Variants in WFDC11 observed in about 807,000 individuals in gnomAD.
The protein encoded by WFDC11 is protein WFDC11.
WFDC11 carries 9 observed loss-of-function variants against 9.9 expected under a neutral mutation model. That is an observed-to-expected ratio of 0.91 (90% CI 0.55 to 1.58). WFDC11 has a LOEUF of 1.58. WFDC11 is among the 40% of genes most tolerant of loss of function. The pLI, the probability that WFDC11 is intolerant of heterozygous loss-of-function variation, is 0.00. For synonymous variants in WFDC11, 32 were observed against 33.3 expected, an observed-to-expected ratio of 0.96 and a Z score of 0.13; for missense variants, 106 against 101.7, an observed-to-expected ratio of 1.04 and a Z score of -0.18.
chr20:45,668,492 AAG>A (rs1695833741), intron 1 of WFDC11, among the ~76,000 whole-genome samples: 1 of 152,166 alleles, frequency 6.6e-6, no homozygotes, highest in Non-Finnish European at 1.5e-5. Flanking sequence ...GGAAAAAAAA[AAG>A]AAAAAGATTT....
chr20:45,662,730 T>A (rs949771429), intron 2 of WFDC11, among the ~76,000 whole-genome samples: 3 of 152,236 alleles, frequency 2.0e-5, no homozygotes, highest in Non-Finnish European at 4.4e-5. Context: ...GTTTATTGAT[T>A]TGTGAATGTT....
chr20:45,660,645 T>C (rs1038404638), intron 2 of WFDC11, among the ~76,000 whole-genome samples: 1 of 152,108 alleles, frequency 6.6e-6, no homozygotes, highest in African/African-American at 2.4e-5. Flanking sequence ...AATTCCCACC[T>C]ATGAGTGAGA....
In WFDC11 at chr20:45,648,776, G is replaced by A. The variant is rs773349635; in HGVS notation, c.244-37C>T. ...AAAGGTTAGATTTTTAGAGGCTAGA[G>A]AACTCTGAGAAACAAGCATTCATTC... On this transcript the variant is annotated intron_variant, in intron 4 of 4. Transcript: ENST00000324384. 8 of 1,608,322 alleles carry A rather than the reference G, an allele frequency of 5.0e-6. No homozygotes were observed. In the African/African-American group the frequency reaches 1.1e-4, roughly 22 times the overall value.
chr20:45,649,433 GTA>G (rs761026508), intron 3 of WFDC11, 34 bp from the exon 4 acceptor site: 1 of 1,608,630 alleles, frequency 6.2e-7, no homozygotes, highest in Non-Finnish European at 8.5e-7. Flanking sequence ...AAGGTTGATG[GTA>G]TGTTTCAGCC....
chr20:45,656,385 G>A (rs1282615952), intron 2 of WFDC11, among the ~76,000 whole-genome samples: 4 of 152,178 alleles, frequency 2.6e-5, no homozygotes, highest in Admixed American at 1.3e-4. Flanking sequence ...CTAGCCATGT[G>A]CAGAAAGCTG....
chr20:45,655,017 G>T (rs1343224673), intron 2 of WFDC11, among the ~76,000 whole-genome samples: 2 of 152,164 alleles, frequency 1.3e-5, no homozygotes. Context: ...GGAGAAGCTG[G>T]TACCATTCCT....
intron 2 of WFDC11, among the ~76,000 whole-genome samples, chr20:45,660,650 G>C (rs1825381955): frequency 6.6e-6 from 1 of 152,048 alleles, no homozygotes; most frequent in Admixed American, 6.6e-5. Flanking sequence ...CCACCTATGA[G>C]TGAGAATACG....
chr20:45,658,834 C>T (rs1029897284), intron 2 of WFDC11, among the ~76,000 whole-genome samples: 5 of 152,158 alleles, frequency 3.3e-5, no homozygotes, highest in Non-Finnish European at 7.3e-5. Context: ...AACCCGTCAT[C>T]TACATTAGGT....
At chr20:45,651,978 C>G (rs1228165319) in intron 2 of WFDC11, among the ~76,000 whole-genome samples, 1 of 152,248 alleles carries the variant, frequency 6.6e-6, no homozygotes, top group African/African-American at 2.4e-5. Context: ...CTCAAGAGGC[C>G]TGCCTGCCTC....
At chr20:45,655,253 C>T (rs1409396785) in intron 2 of WFDC11, among the ~76,000 whole-genome samples, 1 of 152,194 alleles carries the variant, frequency 6.6e-6, no homozygotes, top group African/African-American at 2.4e-5. Flanking sequence ...TGGGCTTCAT[C>T]CCTGGGATGC....
rs1393791868 is a variant in WFDC11, at chr20:45,649,130, A to G, written c.243+127T>C. 1.9e-5 allele frequency: 22 copies of G among 1,163,762 alleles called. No individual in the cohort carries two copies. In the South Asian group the frequency reaches 3.0e-4, roughly 16 times the overall value. The allele number at this position is 1,163,762 out of a possible 1,614,324, so 72.1% of individuals were successfully genotyped here. A position where few individuals can be genotyped will look rare whatever the true frequency, so the allele number is the denominator to read the frequency against. Reference sequence around the variant, plus strand: ...GAATTGCTTTCCAAGTTAAAGGGACATTGTCTTCTGTTATTTTTGTACCTA... The same window carrying G: ...GAATTGCTTTCCAAGTTAAAGGGACGTTGTCTTCTGTTATTTTTGTACCTA... On this transcript the variant is annotated intron_variant, in intron 4 of 4. Coordinates refer to ENST00000324384, the MANE Select transcript of WFDC11 (RefSeq NM_147197.2).
At chr20:45,662,007 A>G (rs143043098) in intron 2 of WFDC11, among the ~76,000 whole-genome samples, 3,981 of 151,968 alleles carry the variant, frequency 0.026, 136 homozygotes, top group African/African-American at 0.082. Context: ...ATTACCTTGG[A>G]CAGTATGGCC....
chr20:45,661,126 G>A (rs1273859027), intron 2 of WFDC11, among the ~76,000 whole-genome samples: 2 of 152,148 alleles, frequency 1.3e-5, no homozygotes, highest in East Asian at 1.9e-4. Flanking sequence ...GTGTGAGATG[G>A]TATCCCATTG....
In WFDC11 at chr20:45,650,625, A is replaced by C. The variant is rs1982786883; in HGVS notation, c.-25T>G. On this transcript the variant is annotated 5_prime_UTR_variant, in exon 3 of 5. Coordinates refer to ENST00000324384, the MANE Select transcript of WFDC11 (RefSeq NM_147197.2). ...TATGTGTCTGAATATGTGTTGTCAGAAGGATTATTTTTCTTCCCAGTCGCT... is the reference window on the plus strand; with the variant it reads ...TATGTGTCTGAATATGTGTTGTCAGCAGGATTATTTTTCTTCCCAGTCGCT... 2.5e-6 allele frequency: 4 copies of C among 1,591,742 alleles called. No homozygotes were observed. The highest frequency in any genetic ancestry group is 3.4e-6 in the Non-Finnish European group (4 of 1,165,086).
intron 2 of WFDC11, among the ~76,000 whole-genome samples, chr20:45,653,092 T>C (rs1440389102): frequency 1.3e-5 from 2 of 151,836 alleles, no homozygotes; most frequent in African/African-American, 2.4e-5. Context: ...ACAAAGATAC[T>C]CCTCGAGAAG....
chr20:45,660,957 G>A (rs1341494910), intron 2 of WFDC11, among the ~76,000 whole-genome samples: 1 of 152,134 alleles, frequency 6.6e-6, no homozygotes, highest in African/African-American at 2.4e-5. Flanking sequence ...GGGTCAAATG[G>A]TATTTCTAGT....
chr20:45,654,159 A>G (rs1043412894), intron 2 of WFDC11, among the ~76,000 whole-genome samples: 1 of 152,352 alleles, frequency 6.6e-6, no homozygotes, highest in Non-Finnish European at 1.5e-5. Flanking sequence ...CACTTATTCC[A>G]AAATTGACCA....
At chr20:45,654,467 CAA>C (rs1258838701) in intron 2 of WFDC11, among the ~76,000 whole-genome samples, 1 of 152,124 alleles carries the variant, frequency 6.6e-6, no homozygotes, top group Admixed American at 6.5e-5. Flanking sequence ...TAAATGCCCA[CAA>C]GAGAGAGCAG....
chr20:45,669,784 AC>A (rs770325201), intron 1 of WFDC11, among the ~76,000 whole-genome samples: 1 of 152,040 alleles, frequency 6.6e-6, no homozygotes, highest in African/African-American at 2.4e-5. Flanking sequence ...GAGCAAACCA[AC>A]CCCAAAGCTA....
Sources: allele counts gnomAD v4.1 joint callset (sites outside exome capture counted in the v4.1 genomes callset), GRCh38; gene constraint gnomAD v4.1.1; transcripts MANE v1.5; gene names NCBI Gene and HGNC (gene_info 2026-07-23, HGNC 2026-07-21).